GCNT2: variants seen among roughly 807,000 people sequenced by gnomAD.
GCNT2 encodes glucosaminyl (N-acetyl) transferase 2 (I blood group).
In GCNT2, 34 loss-of-function variants were observed where a neutral mutation model predicts 34.2. That is an observed-to-expected ratio of 1.00 (90% CI 0.76 to 1.32). The LOEUF (loss-of-function observed/expected upper bound fraction) is 1.32. GCNT2 is among the 40% of genes most tolerant of loss of function. The probability of loss-of-function intolerance (pLI) is 0.00; values close to 1 mark genes in which losing one functional copy is unlikely to be tolerated. For missense variants in GCNT2, 584 were observed against 489.4 expected, an observed-to-expected ratio of 1.19 and a Z score of -1.82; for synonymous variants, 212 against 188.0, an observed-to-expected ratio of 1.13 and a Z score of -1.04.
At chr6:10,556,070 G>C (rs1762685901) in intron 3 of GCNT2, 5 of 1,172,702 alleles carry the variant, frequency 4.3e-6, no homozygotes. Context: ...ATGAAAGAAA[G>C]AGATATGGGA....
Position 10,529,786 on chromosome 6 carries a change from A to T in GCNT2, c.875A>T (p.Asp292Val). ...CTTGACTTACTCTCCTGGTCCAAGGACACCTACAGCCCCGACGAACATTTC... is the reference window on the plus strand; with the variant it reads ...CTTGACTTACTCTCCTGGTCCAAGGTCACCTACAGCCCCGACGAACATTTC... ...LALDLLSWSK[D>V]TYSPDEHFWV... Residue 292 changes from aspartate (D) to valine (V), a missense_variant, in exon 3 of 5, where the codon GAC becomes GTC. Physicochemically the swap from Asp to Val is radical, Grantham distance 152 (BLOSUM62 -3). Coordinates refer to ENST00000495262, the MANE Select transcript of GCNT2 (RefSeq NM_145649.5). The T allele has an allele frequency of 6.2e-7, 1 of 1,614,176 alleles. No homozygotes were observed. The highest frequency in any genetic ancestry group is 8.5e-7 in the Non-Finnish European group (1 of 1,180,008).
At chr6:10,617,237 C>G (rs1765812133) in intron 3 of GCNT2, among the ~76,000 whole-genome samples, 2 of 152,186 alleles carry the variant, frequency 1.3e-5, no homozygotes, top group Admixed American at 1.3e-4. Context: ...GCGAGAAATC[C>G]AGCACAGCAG....
chr6:10,547,599 C>T (rs1485560853), intron 3 of GCNT2, among the ~76,000 whole-genome samples: 1 of 152,210 alleles, frequency 6.6e-6, no homozygotes, highest in Non-Finnish European at 1.5e-5. Context: ...ATAGTGCCTG[C>T]CACATTTCTC....
At chr6:10,591,881 T>C (rs1312993608) in intron 3 of GCNT2, among the ~76,000 whole-genome samples, 1 of 152,230 alleles carries the variant, frequency 6.6e-6, no homozygotes, top group Non-Finnish European at 1.5e-5. Flanking sequence ...AGAAGGTATA[T>C]GTTCTCTGCA....
intron 4 of GCNT2, 74 bp from the exon 5 acceptor site, chr6:10,626,343 T>C: frequency 9.7e-7 from 1 of 1,027,088 alleles, no homozygotes. Context: ...AGAGTACCTC[T>C]AGTATTCTGT....
chr6:10,533,666 G>A (rs537637500), intron 3 of GCNT2, among the ~76,000 whole-genome samples: 1 of 151,698 alleles, frequency 6.6e-6, no homozygotes, highest in South Asian at 2.1e-4. Context: ...GCTTGTGCCT[G>A]TAACCCCAGC....
rs1440206093 is a variant in GCNT2, at chr6:10,629,156, A to G, written c.*2549A>G. 6.6e-6 allele frequency: 1 copy of G among 152,658 alleles called. No individual in the cohort carries two copies. Among genetic ancestry groups the G allele is most frequent in the Non-Finnish European group, 1.5e-5 (1 of 68,040 alleles). 9.5% of individuals were successfully genotyped at this position (152,658 alleles called of 1,614,324 possible). On this transcript the variant is annotated 3_prime_UTR_variant, in exon 5 of 5. Coordinates refer to ENST00000495262, the MANE Select transcript of GCNT2 (RefSeq NM_145649.5). ...TTTACACTGGATGTTTCTCATGTAG[A>G]ACAAGAAATCTTTCTGGAATTGATG... is the stretch of plus-strand genomic sequence containing the variant.
intron 3 of GCNT2, among the ~76,000 whole-genome samples, chr6:10,611,728 A>AT (rs142711948): frequency 2.6e-5 from 4 of 151,858 alleles, no homozygotes; most frequent in East Asian, 1.9e-4. Flanking sequence ...GTAATTTTCC[A>AT]TTTTTTTTGT....
At chr6:10,593,145 A>C (rs1469371479) in intron 3 of GCNT2, among the ~76,000 whole-genome samples, 3 of 152,242 alleles carry the variant, frequency 2.0e-5, no homozygotes, top group Non-Finnish European at 4.4e-5. Flanking sequence ...TGAATATTGA[A>C]TTAAGTATAA....
chr6:10,545,040 G>A (rs184275532), intron 3 of GCNT2, among the ~76,000 whole-genome samples: 117 of 152,240 alleles, frequency 7.7e-4, no homozygotes, highest in Non-Finnish European at 1.5e-3. Flanking sequence ...ATCCTAATAT[G>A]TAGTTACTAT....
chr6:10,533,511 G>C (rs1466528817), intron 3 of GCNT2, among the ~76,000 whole-genome samples: 1 of 151,958 alleles, frequency 6.6e-6, no homozygotes, highest in Non-Finnish European at 1.5e-5. Flanking sequence ...TTTTATGCCA[G>C]GTGTGGTGGC....
At chr6:10,559,718 G>A (rs538918175) in intron 3 of GCNT2, among the ~76,000 whole-genome samples, 3,798 of 152,324 alleles carry the variant, frequency 0.025, 151 homozygotes, top group African/African-American at 0.085. Flanking sequence ...CAACTGCCTG[G>A]AGAGGAAGGC....
intron 3 of GCNT2, among the ~76,000 whole-genome samples, chr6:10,593,802 A>C (rs1006202673): frequency 6.6e-6 from 1 of 152,166 alleles, no homozygotes; most frequent in Non-Finnish European, 1.5e-5. Flanking sequence ...GAAAATACAT[A>C]TCTCTTCCCT....
chr6:10,610,340 G>A (rs1765495968), intron 3 of GCNT2, among the ~76,000 whole-genome samples: 1 of 152,148 alleles, frequency 6.6e-6, no homozygotes, highest in African/African-American at 2.4e-5. Context: ...ACATTCTCAG[G>A]CTACATGTCT....
intron 3 of GCNT2, chr6:10,572,993 G>T (rs1251074590): frequency 6.0e-6 from 1 of 166,820 alleles, no homozygotes; most frequent in African/African-American, 2.4e-5. Flanking sequence ...CCGGCTCTGT[G>T]GGAAAGGAGC....
At chr6:10,618,295 A>G (rs183771597) in intron 3 of GCNT2, among the ~76,000 whole-genome samples, 57 of 152,344 alleles carry the variant, frequency 3.7e-4, no homozygotes, top group Admixed American at 3.3e-4. Context: ...GACACCTGTC[A>G]TCAAACAGAA....
intron 3 of GCNT2, among the ~76,000 whole-genome samples, chr6:10,592,023 C>CT (rs1764668235): frequency 6.6e-6 from 1 of 152,212 alleles, no homozygotes. Context: ...GATTCATTCA[C>CT]TCATGCTGAT....
rs547554249 is a variant in GCNT2 at position 10,562,673 on chromosome 6, A to C, written c.925+32837A>C. 4.2e-3 allele frequency among the ~76,000 whole-genome samples: 628 copies of C among 151,236 alleles called. 4 individuals are homozygous for C. The highest frequency in any genetic ancestry group is 0.017 in the Middle Eastern group (5 of 292). On this transcript the variant is annotated intron_variant, in intron 3 of 4. Transcript: ENST00000495262. ...ACTTCTCTGAAAAAAAAAAAAAAAA[A>C]AAAACAAAAAAAAACCCACAAAAAC... is the stretch of plus-strand genomic sequence containing the variant.
intron 3 of GCNT2, among the ~76,000 whole-genome samples, chr6:10,589,385 GTGTT>G (rs781427332): frequency 2.1e-4 from 32 of 149,178 alleles, no homozygotes; most frequent in Admixed American, 1.7e-3. Flanking sequence ...AGTGTGGTGT[GTGTT>G]TGTAGTGTGT....
Sources: gnomAD v4.1 joint callset for allele counts (sites outside exome capture counted in the v4.1 genomes callset) on GRCh38, gnomAD v4.1.1 for gene constraint, MANE v1.5 for transcripts, NCBI Gene and HGNC (gene_info 2026-07-23, HGNC 2026-07-21) for gene names.